RSRC1: variants seen among roughly 807,000 people sequenced by gnomAD.
RSRC1 encodes the protein arginine and serine rich coiled-coil 1, also known as serine/Arginine-related protein 53.
RSRC1 carries 39 observed loss-of-function variants against 49.1 expected under a neutral mutation model. That is an observed-to-expected ratio of 0.79 (90% CI 0.61 to 1.04). RSRC1 has a LOEUF of 1.04. Among genes scored for constraint, RSRC1 ranks in the 50% least tolerant of loss-of-function variants. The probability of loss-of-function intolerance (pLI) is 0.00; values close to 1 mark genes in which losing one functional copy is unlikely to be tolerated. For missense variants in RSRC1, 388 were observed against 402.4 expected, an observed-to-expected ratio of 0.96 and a Z score of 0.31; for synonymous variants, 143 against 130.8, an observed-to-expected ratio of 1.09 and a Z score of -0.63.
chr3:158,477,810 A>T (rs201523292), intron 7 of RSRC1, among the ~76,000 whole-genome samples: 1,568 of 90,474 alleles, frequency 0.017, 115 homozygotes, highest in Non-Finnish European at 0.024. Flanking sequence ...ATATATATAT[A>T]TATATATATA....
chr3:158,486,392 G>A (rs779590768), intron 7 of RSRC1, among the ~76,000 whole-genome samples: 7 of 152,134 alleles, frequency 4.6e-5, no homozygotes, highest in Non-Finnish European at 1.0e-4. Flanking sequence ...CATGTTAAAT[G>A]CTAGGGCTGT....
chr3:158,148,369 G>GTA lies in RSRC1; in HGVS notation c.320+24379_320+24380insAT, dbSNP rs1269293799. ...TTAAAAGGTGTGTGTGTGTGTGCGT[G>GTA]TGTGTGTGTGTGTGTATGCGGCACA... On this transcript the variant is annotated intron_variant, in intron 3 of 9. Coordinates refer to ENST00000611884, the MANE Select transcript of RSRC1 (RefSeq NM_001271838.2). Among the ~76,000 whole-genome samples, 7 of 151,062 alleles carry GTA rather than the reference G, an allele frequency of 4.6e-5. No homozygotes were observed. The East Asian group carries it at 1.4e-3, about 29-fold the overall frequency.
At chr3:158,186,343 A>T (rs1045187857) in intron 3 of RSRC1, among the ~76,000 whole-genome samples, 1 of 152,016 alleles carries the variant, frequency 6.6e-6, no homozygotes, top group Non-Finnish European at 1.5e-5. Flanking sequence ...TGTTAAATTT[A>T]GTGCAACTAC....
intron 4 of RSRC1, among the ~76,000 whole-genome samples, chr3:158,257,387 T>G (rs12497109): frequency 0.14 from 20,949 of 152,238 alleles, 1,580 homozygotes; most frequent in Middle Eastern, 0.21. Flanking sequence ...ACCTCTTCAT[T>G]ATATAATGAC....
At chr3:158,314,529 A>G (rs374122115) in intron 5 of RSRC1, among the ~76,000 whole-genome samples, 8 of 152,174 alleles carry the variant, frequency 5.3e-5, no homozygotes, top group African/African-American at 1.9e-4. Flanking sequence ...TGGATTTAGC[A>G]GGTGTCAAGT....
chr3:158,337,687 C>T (rs1367048742), intron 5 of RSRC1, among the ~76,000 whole-genome samples: 1 of 152,138 alleles, frequency 6.6e-6, no homozygotes, highest in Non-Finnish European at 1.5e-5. Context: ...CAAGATACCT[C>T]CATTATGTTA....
chr3:158,254,888 A>G (rs1256828759), intron 4 of RSRC1, among the ~76,000 whole-genome samples: 5 of 152,026 alleles, frequency 3.3e-5, no homozygotes, highest in African/African-American at 1.2e-4. Context: ...GTCTATTCAT[A>G]TCCTCTACCC....
intron 6 of RSRC1, among the ~76,000 whole-genome samples, chr3:158,403,031 A>G (rs1489098542): frequency 6.6e-6 from 1 of 151,810 alleles, no homozygotes; most frequent in Non-Finnish European, 1.5e-5. Flanking sequence ...TATGGGTGCT[A>G]ATACACTTTG....
chr3:158,325,101 T>G (rs1055530260), intron 5 of RSRC1, among the ~76,000 whole-genome samples: 1 of 152,244 alleles, frequency 6.6e-6, no homozygotes, highest in African/African-American at 2.4e-5. Context: ...TAACTTTGTT[T>G]GAGTTCTTTG....
At chr3:158,169,404 CT>C (rs1177300959) in intron 3 of RSRC1, among the ~76,000 whole-genome samples, 21 of 152,128 alleles carry the variant, frequency 1.4e-4, no homozygotes, top group Non-Finnish European at 1.5e-5. Context: ...AAATCCCTAT[CT>C]TATTCTTCCC....
chr3:158,538,721 G>A (rs773029592), intron 8 of RSRC1, among the ~76,000 whole-genome samples: 1 of 151,888 alleles, frequency 6.6e-6, no homozygotes, highest in South Asian at 2.1e-4. Context: ...TTGAAAGGTA[G>A]GAAGTGGTGC....
chr3:158,487,806 C>T (rs910243308), intron 7 of RSRC1, among the ~76,000 whole-genome samples: 3 of 151,322 alleles, frequency 2.0e-5, no homozygotes, highest in East Asian at 1.9e-4. Context: ...AAAAATTAGC[C>T]GGACATGGTG....
intron 6 of RSRC1, among the ~76,000 whole-genome samples, chr3:158,386,709 A>G (rs933888447): frequency 1.3e-5 from 2 of 151,998 alleles, no homozygotes; most frequent in African/African-American, 4.8e-5. Context: ...CAAGGCAGAA[A>G]TGTAGGGTTT....
chr3:158,274,277 C>T (rs1725682163), intron 4 of RSRC1, among the ~76,000 whole-genome samples: 2 of 151,822 alleles, frequency 1.3e-5, no homozygotes, highest in African/African-American at 2.4e-5. Flanking sequence ...ACTGATTATT[C>T]AACATTATGT....
chr3:158,305,758 A>T (rs553035521), intron 5 of RSRC1, among the ~76,000 whole-genome samples: 1 of 152,174 alleles, frequency 6.6e-6, no homozygotes, highest in South Asian at 2.1e-4. Flanking sequence ...TTTAATTTTA[A>T]CATACACAGC....
chr3:158,325,014 G>C (rs1444820190), intron 5 of RSRC1, among the ~76,000 whole-genome samples: 2 of 152,144 alleles, frequency 1.3e-5, no homozygotes, highest in African/African-American at 4.8e-5. Context: ...GTGTCTGTTG[G>C]CTGCATAAAT....
Position 158,543,565 on chromosome 3 carries a change from T to C in RSRC1, c.912+78T>C, listed in dbSNP as rs772784032. The C allele has an allele frequency of 3.5e-6, 5 of 1,423,484 alleles. No homozygotes were observed. In the African/African-American group the frequency reaches 7.2e-5, roughly 21 times the overall value. The allele number at this position is 1,423,484 out of a possible 1,614,324, so 88.2% of individuals were successfully genotyped here. ...ATTTCAATCTGTTATCCTTTTGTGC[T>C]AACACCAAGGAGACCATTGGAGGAA... On this transcript the variant is annotated intron_variant, in intron 9 of 9. Transcript: ENST00000611884.
chr3:158,112,601 G>A (rs1714487158), intron 1 of RSRC1, among the ~76,000 whole-genome samples: 1 of 152,164 alleles, frequency 6.6e-6, no homozygotes, highest in South Asian at 2.1e-4. Flanking sequence ...TGTGTCACTT[G>A]AAATATTTAT....
chr3:158,316,724 G>A (rs1230349016), intron 5 of RSRC1, among the ~76,000 whole-genome samples: 8 of 152,058 alleles, frequency 5.3e-5, no homozygotes, highest in East Asian at 1.9e-4. Context: ...GATTACAGGC[G>A]TGAGCCAACG....
Sources: gnomAD v4.1 joint callset for allele counts (sites outside exome capture counted in the v4.1 genomes callset) on GRCh38, gnomAD v4.1.1 for gene constraint, MANE v1.5 for transcripts, NCBI Gene and HGNC (gene_info 2026-07-23, HGNC 2026-07-21) for gene names.